The following LPP variants were observed in gnomAD, a reference collection of about 807,000 sequenced individuals.
The protein encoded by LPP is lipoma-preferred partner.
Under a neutral mutation model 60.4 loss-of-function variants are expected in LPP, and 38 were observed. The observed-to-expected ratio is 0.63, with a 90% CI of 0.49 to 0.83. The LOEUF is 0.83. LPP is among the 40% of genes least tolerant of loss of function. The pLI is 0.00. For missense variants in LPP, 902 were observed against 783.6 expected (o/e 1.15, Z -1.80); for synonymous variants, 328 against 290.8 (o/e 1.13, Z -1.30).
intron 1 of LPP, among the ~76,000 whole-genome samples, chr3:188,203,126 G>GTATAT (rs1463891793): frequency 7.3e-6 from 1 of 136,072 alleles, no homozygotes; most frequent in African/African-American, 2.7e-5. Context: ...AATATAAAAT[G>GTATAT]TATATTATAT....
intron 2 of LPP, among the ~76,000 whole-genome samples, chr3:188,292,316 T>C (rs1746271986): frequency 1.3e-5 from 2 of 152,344 alleles, no homozygotes; most frequent in Middle Eastern, 3.4e-3. Flanking sequence ...TTAAGTGAAA[T>C]AAGTTCTCAT....
At chr3:188,644,375 A>G (rs989639650) in intron 7 of LPP, among the ~76,000 whole-genome samples, 1 of 152,216 alleles carries the variant, frequency 6.6e-6, no homozygotes, top group African/African-American at 2.4e-5. Flanking sequence ...AAGCTTAAAT[A>G]TTGATCCAAG....
intron 2 of LPP, among the ~76,000 whole-genome samples, chr3:188,242,457 G>A (rs971590418): frequency 1.4e-4 from 22 of 152,080 alleles, no homozygotes; most frequent in African/African-American, 4.6e-4. Context: ...CAGGAGAGTA[G>A]AGCTCTGACC....
chr3:188,596,038 C>A (rs1001375790), intron 6 of LPP, among the ~76,000 whole-genome samples: 15 of 152,110 alleles, frequency 9.9e-5, no homozygotes, highest in African/African-American at 3.6e-4. Flanking sequence ...TGGGCATTTG[C>A]TGAACCTGCT....
chr3:188,334,236 AATATATAACAC>A (rs1276096809), intron 2 of LPP, among the ~76,000 whole-genome samples: 16 of 152,154 alleles, frequency 1.1e-4, no homozygotes, highest in African/African-American at 3.9e-4. Flanking sequence ...TTACATTGTA[AATATATAACAC>A]ATTTTCTTTG....
chr3:188,334,046 C>G (rs551851657), intron 2 of LPP, among the ~76,000 whole-genome samples: 4 of 152,296 alleles, frequency 2.6e-5, no homozygotes, highest in African/African-American at 7.2e-5. Context: ...TTCTCCACCT[C>G]TGGTGATCAG....
intron 9 of LPP, among the ~76,000 whole-genome samples, chr3:188,832,896 G>GC (rs1207903979): frequency 6.6e-6 from 1 of 152,184 alleles, no homozygotes; most frequent in Non-Finnish European, 1.5e-5. Context: ...TCTAACAGTT[G>GC]CAAGTCTGCC....
chr3:188,171,786 C>T (rs1418472467), intron 1 of LPP, among the ~76,000 whole-genome samples: 1 of 152,284 alleles, frequency 6.6e-6, no homozygotes, highest in African/African-American at 2.4e-5. Flanking sequence ...AGGTTCTCAG[C>T]GTGGATTCTT....
intron 7 of LPP, among the ~76,000 whole-genome samples, chr3:188,669,645 A>T (rs1198001569): frequency 1.3e-5 from 2 of 152,158 alleles, no homozygotes; most frequent in African/African-American, 4.8e-5. Flanking sequence ...GGAGAAATAG[A>T]AACAATTTTA....
At chr3:188,427,129 C>T (rs374579947) in intron 4 of LPP, among the ~76,000 whole-genome samples, 1 of 152,282 alleles carries the variant, frequency 6.6e-6, no homozygotes, top group African/African-American at 2.4e-5. Context: ...CCTTCAGGAG[C>T]TCTTGTAAAG....
rs193091450 is a variant in LPP at position 188,889,473 on chromosome 3, A to T, written c.*14994A>T. On this transcript the variant is annotated 3_prime_UTR_variant, in exon 12 of 12. Coordinates refer to ENST00000617246, the MANE Select transcript of LPP (RefSeq NM_001375462.1). ...TGCCAAGTCGTTCCCTTTCCTTCTA[A>T]GTCAGTTGGCTCCATATTCACTTGA... is the stretch of plus-strand genomic sequence containing the variant. The T allele has an allele frequency of 2.6e-4, 59 of 231,336 alleles. No homozygotes were observed. Among genetic ancestry groups the T allele is most frequent in the African/African-American group, 9.9e-4 (45 of 45,356 alleles). 14.3% of individuals were successfully genotyped at this position (231,336 alleles called of 1,614,324 possible).
chr3:188,578,636 T>TC lies in LPP; in HGVS notation c.430-30524dup, dbSNP rs376908607. ...CAACTCATTCCCTCACTTTTTTTTT[T>TC]CTTTCAACTTGATTTGTTCAACTAA... On this transcript the variant is annotated intron_variant, in intron 6 of 11. Coordinates refer to ENST00000617246, the MANE Select transcript of LPP (RefSeq NM_001375462.1). Among the ~76,000 whole-genome samples, 643 of 151,308 alleles carry TC rather than the reference T, an allele frequency of 4.2e-3. 5 individuals are homozygous for TC. The highest frequency in any genetic ancestry group is 0.014 in the African/African-American group (595 of 41,250).
chr3:188,312,289 C>T (rs945898763), intron 2 of LPP, among the ~76,000 whole-genome samples: 2 of 152,108 alleles, frequency 1.3e-5, no homozygotes, highest in East Asian at 1.9e-4. Context: ...ATGAGCCGTA[C>T]CCATTTGTAA....
chr3:188,663,588 A>G (rs1033510461), intron 7 of LPP, among the ~76,000 whole-genome samples: 1 of 152,228 alleles, frequency 6.6e-6, no homozygotes, highest in African/African-American at 2.4e-5. Flanking sequence ...TATATTATGC[A>G]TATTTTCAGA....
At chr3:188,586,315 G>A (rs1476266513) in intron 6 of LPP, among the ~76,000 whole-genome samples, 1 of 152,124 alleles carries the variant, frequency 6.6e-6, no homozygotes, top group Non-Finnish European at 1.5e-5. Context: ...ACCAAAAAAT[G>A]TAGTAATGAA....
intron 10 of LPP, among the ~76,000 whole-genome samples, chr3:188,866,852 T>A (rs1766757002): frequency 6.6e-6 from 1 of 152,106 alleles, no homozygotes; most frequent in Non-Finnish European, 1.5e-5. Context: ...TGATAGGGAG[T>A]TATGGTGGAC....
At chr3:188,526,740 A>G (rs1490481840) in intron 6 of LPP, among the ~76,000 whole-genome samples, 1 of 152,188 alleles carries the variant, frequency 6.6e-6, no homozygotes, top group Non-Finnish European at 1.5e-5. Flanking sequence ...CAGTAAAAAT[A>G]TACTTTGTCC....
intron 9 of LPP, among the ~76,000 whole-genome samples, chr3:188,810,074 A>G (rs1417779378): frequency 6.6e-6 from 1 of 152,088 alleles, no homozygotes; most frequent in African/African-American, 2.4e-5. Context: ...CTTTCGTGTG[A>G]GCATCTGCTG....
At chr3:188,540,282 A>G (rs1169011408) in intron 6 of LPP, among the ~76,000 whole-genome samples, 1 of 152,154 alleles carries the variant, frequency 6.6e-6, no homozygotes, top group Non-Finnish European at 1.5e-5. Flanking sequence ...ATTAAAGAAA[A>G]ACTATATTGA....
Sources: allele counts gnomAD v4.1 joint callset (sites outside exome capture counted in the v4.1 genomes callset), GRCh38; gene constraint gnomAD v4.1.1; transcripts MANE v1.5; gene names NCBI Gene and HGNC (gene_info 2026-07-23, HGNC 2026-07-21).